Variants in ZNF597 observed in about 807,000 individuals in gnomAD.
ZNF597 encodes zinc finger protein 597.
Under a neutral mutation model 7.3 loss-of-function variants are expected in ZNF597, and 5 were observed. The ratio of observed to expected loss-of-function variants is 0.68; its 90% CI spans 0.36 to 1.44. The LOEUF is 1.44. Among genes scored for constraint, ZNF597 ranks in the 40% most tolerant of loss-of-function variants. The probability of loss-of-function intolerance (pLI) is 0.04; values close to 1 mark genes in which losing one functional copy is unlikely to be tolerated. For missense variants in ZNF597, 585 were observed against 517.9 expected, an observed-to-expected ratio of 1.13 and a Z score of -1.26; for synonymous variants, 209 against 185.4, an observed-to-expected ratio of 1.13 and a Z score of -1.04.
At position 3,437,513 on chromosome 16, in the gene ZNF597, A is replaced by G. The variant is rs2034317798; in HGVS notation, c.186T>C (p.Asn62=). 2.5e-6 allele frequency: 4 copies of G among 1,602,480 alleles called. No individual in the cohort carries two copies. Among genetic ancestry groups the G allele is most frequent in the Non-Finnish European group, 3.4e-6 (4 of 1,175,838 alleles). Residue 62 remains asparagine, a synonymous_variant, in exon 4 of 4, where the codon AAT becomes AAC. Transcript: ENST00000301744. ...CCATAGACTCTAGGCTTAACTGCTG[A>G]TTAATCTCAGGCTTGCCTTCCTCTC... ...LMGEEGKPEI[N]QQLSLESMEL...
Position 3,443,119 on chromosome 16 carries a change from A to C in ZNF597, c.33+2T>G, listed in dbSNP as rs1397645283. 1 of 1,614,108 alleles carries C rather than the reference A, an allele frequency of 6.2e-7. No individual in the cohort carries two copies. On this transcript the variant is annotated splice_donor_variant, in intron 2 of 3. Coordinates refer to ENST00000301744, the MANE Select transcript of ZNF597 (RefSeq NM_152457.3). LOFTEE classifies it high-confidence loss of function. ...TTGGACGAAAAAGGTACCTCGACTC[A>C]CCTGGGCCTCGGGCGTCGGGGGCAT...
chr16:3,437,690 G>A, intron 3 of ZNF597, 152 bp from the exon 4 acceptor site: 1 of 1,309,596 alleles, frequency 7.6e-7, no homozygotes, highest in Non-Finnish European at 1.0e-6. Context: ...TCAGGACCAA[G>A]CAGACTCTCC....
rs184723295 is a variant in ZNF597, at chr16:3,434,064, C to A, written c.*2360G>T. Reference sequence around the variant, plus strand: ...TTAAGGTGCAGAACAGGATGTATGGCACAAATTCTCACTTTCTGCTATATT... The same window carrying A: ...TTAAGGTGCAGAACAGGATGTATGGAACAAATTCTCACTTTCTGCTATATT... On this transcript the variant is annotated 3_prime_UTR_variant, in exon 4 of 4. Transcript: ENST00000301744. 1 of 152,220 alleles carries A rather than the reference C, an allele frequency of 6.6e-6. No individual in the cohort carries two copies. The highest frequency in any genetic ancestry group is 2.4e-5 in the African/African-American group (1 of 41,544). The allele number at this position is 152,220 out of a possible 1,614,324, so 9.4% of individuals were successfully genotyped here. A position where few individuals can be genotyped will look rare whatever the true frequency, so the allele number is the denominator to read the frequency against.
intron 2 of ZNF597, among the ~76,000 whole-genome samples, chr16:3,442,471 T>A (rs915355118): frequency 2.6e-5 from 4 of 152,000 alleles, no homozygotes; most frequent in Non-Finnish European, 5.9e-5. Flanking sequence ...GTCAGGAGAT[T>A]GAGACCATCC....
At chr16:3,439,021 G>A (rs2034335488) in intron 3 of ZNF597, among the ~76,000 whole-genome samples, 1 of 152,134 alleles carries the variant, frequency 6.6e-6, no homozygotes, top group African/African-American at 2.4e-5. Flanking sequence ...GAATTTGAAA[G>A]CAAAACAGCA....
intron 2 of ZNF597, 61 bp downstream of exon 2, chr16:3,443,060 G>C (rs2034415442): frequency 1.2e-6 from 2 of 1,604,714 alleles, no homozygotes; most frequent in Non-Finnish European, 1.7e-6. Context: ...CTCCAAAGGA[G>C]GGGGTCAGGC....
At position 3,441,033 on chromosome 16, in the gene ZNF597, A is replaced by C. The variant is rs531863578; in HGVS notation, c.34-100T>G. 2.0e-6 allele frequency: 3 copies of C among 1,503,246 alleles called. No homozygotes were observed. In the Admixed American group the frequency reaches 6.6e-5, roughly 33 times the overall value. The allele number at this position is 1,503,246 out of a possible 1,614,324, so 93.1% of individuals were successfully genotyped here. On this transcript the variant is annotated intron_variant, in intron 2 of 3. Transcript: ENST00000301744. ...GAGCTAGAAACATCAGATGCACGGG[A>C]TAAAAGGCTCGGTGTAAAAGGTTCT...
intron 3 of ZNF597, among the ~76,000 whole-genome samples, chr16:3,440,500 G>A (rs1489145080): frequency 6.6e-6 from 1 of 152,140 alleles, no homozygotes; most frequent in Non-Finnish European, 1.5e-5. Context: ...TGGGCATGGT[G>A]GCAGGCGGCT....
In ZNF597 at chr16:3,440,878, G is replaced by A; in HGVS notation, c.89C>T (p.Thr30Ile). Residue 30 changes from threonine (T) to isoleucine (I), a missense_variant, in exon 3 of 4, where the codon ACT becomes ATT. Thr to Ile is a moderately conservative substitution (Grantham distance 89). Transcript: ENST00000301744. ...GAGGGACCTCTGGGCAGGGTGCAGA[G>A]TCACGCACTCCTCTTGAGAAAAATA... The part of the protein sequence containing the change: ...AVYFSQEECV[T>I]LHPAQRSLSK... 6.2e-7 allele frequency: 1 copy of A among 1,614,034 alleles called. No homozygotes were observed. Among genetic ancestry groups the A allele is most frequent in the Non-Finnish European group, 8.5e-7 (1 of 1,179,958 alleles).
Position 3,436,083 on chromosome 16 carries a change from T to C in ZNF597, c.*341A>G. 2 of 225,388 alleles carry C rather than the reference T, an allele frequency of 8.9e-6. No individual in the cohort carries two copies. Among genetic ancestry groups the C allele is most frequent in the Non-Finnish European group, 8.7e-6 (1 of 115,310 alleles). The allele number at this position is 225,388 out of a possible 1,614,324, so 14.0% of individuals were successfully genotyped here. A position where few individuals can be genotyped will look rare whatever the true frequency, so the allele number is the denominator to read the frequency against. ...AAATAAATTCTCCTCCTTCTAAAAG[T>C]CAGAAACTACGTAAACAAAATTAAA... On this transcript the variant is annotated 3_prime_UTR_variant, in exon 4 of 4. Transcript: ENST00000301744.
At chr16:3,439,111 G>A (rs116369169) in intron 3 of ZNF597, among the ~76,000 whole-genome samples, 3,685 of 152,166 alleles carry the variant, frequency 0.024, 147 homozygotes, top group African/African-American at 0.08. Flanking sequence ...AGGTACAGTG[G>A]CTCAAACCTG....
In ZNF597 at chr16:3,436,889, A is replaced by T; in HGVS notation, c.810T>A (p.Ser270=). ...CATTAAAATGTTTATCACAGTTAGT[A>T]GATTCGTAGGTGTTTTCAGCACTGT... ...KSHSAENTYE[S]TNCDKHFNEK... Residue 270 remains serine, a synonymous_variant, in exon 4 of 4, where the codon TCT becomes TCA. Coordinates refer to ENST00000301744, the MANE Select transcript of ZNF597 (RefSeq NM_152457.3). 6.2e-7 allele frequency: 1 copy of T among 1,614,200 alleles called. No individual in the cohort carries two copies.
rs909842631 is a variant in ZNF597, at chr16:3,433,640, G to A, written c.*2784C>T. 2 of 152,202 alleles carry A rather than the reference G, an allele frequency of 1.3e-5. No individual in the cohort carries two copies. The highest frequency in any genetic ancestry group is 4.8e-5 in the African/African-American group (2 of 41,448). The allele number at this position is 152,202 out of a possible 1,614,324, so 9.4% of individuals were successfully genotyped here. On this transcript the variant is annotated 3_prime_UTR_variant, in exon 4 of 4. Coordinates refer to ENST00000301744, the MANE Select transcript of ZNF597 (RefSeq NM_152457.3). Reference sequence around the variant, plus strand: ...GAATTTATCTCCATCAGTTGACACTGTAAACAGAAGGGTGAAATGCCATCA... The same window carrying A: ...GAATTTATCTCCATCAGTTGACACTATAAACAGAAGGGTGAAATGCCATCA...
chr16:3,440,507 G>A (rs1264548569), intron 3 of ZNF597, among the ~76,000 whole-genome samples: 1 of 152,070 alleles, frequency 6.6e-6, no homozygotes, highest in Non-Finnish European at 1.5e-5. Context: ...GGTGGCAGGC[G>A]GCTGTAGTCC....
intron 3 of ZNF597, among the ~76,000 whole-genome samples, 173 bp from the exon 4 acceptor site, chr16:3,437,711 G>C (rs1303627012): frequency 1.3e-5 from 2 of 149,556 alleles, no homozygotes; most frequent in African/African-American, 2.5e-5. Context: ...TGGCCTCCCA[G>C]AAGATCCAGT....
chr16:3,440,970 G>C, intron 2 of ZNF597, 37 bp from the exon 3 acceptor site: 5 of 1,603,708 alleles, frequency 3.1e-6, no homozygotes, highest in Non-Finnish European at 4.3e-6. Context: ...CAAGAGGGTG[G>C]AGGGTCAGCC....
chr16:3,438,070 T>C (rs548605589), intron 3 of ZNF597, among the ~76,000 whole-genome samples: 1 of 152,028 alleles, frequency 6.6e-6, no homozygotes, highest in African/African-American at 2.4e-5. Context: ...GTACAAAAAA[T>C]AATTTTTAAA....
chr16:3,443,436 A>G lies in ZNF597; in HGVS notation c.-130T>C, dbSNP rs2034426727. ...GCGACGCCCGACCGAGACGCGACGA[A>G]GAACGCCACGGCCACTGCAAAACTC... On this transcript the variant is annotated 5_prime_UTR_variant, in exon 1 of 4. Coordinates refer to ENST00000301744, the MANE Select transcript of ZNF597 (RefSeq NM_152457.3). The G allele has an allele frequency of 3.8e-6, 2 of 520,494 alleles. No individual in the cohort carries two copies. The highest frequency in any genetic ancestry group is 4.0e-5 in the African/African-American group (2 of 50,550). The allele number at this position is 520,494 out of a possible 1,614,324, so 32.2% of individuals were successfully genotyped here. A position where few individuals can be genotyped will look rare whatever the true frequency, so the allele number is the denominator to read the frequency against.
At position 3,434,280 on chromosome 16, in the gene ZNF597, C is replaced by G. The variant is rs2034279845; in HGVS notation, c.*2144G>C. On this transcript the variant is annotated 3_prime_UTR_variant, in exon 4 of 4. Coordinates refer to ENST00000301744, the MANE Select transcript of ZNF597 (RefSeq NM_152457.3). ...GAACTCTTAGGGCCCCTGATATGTG[C>G]TGATGAGGCTCCTGCCAGTTTCTCC... 6.6e-6 allele frequency: 1 copy of G among 152,220 alleles called. No homozygotes were observed. The highest frequency in any genetic ancestry group is 2.4e-5 in the African/African-American group (1 of 41,448). 9.4% of individuals were successfully genotyped at this position (152,220 alleles called of 1,614,324 possible).
Sources: allele counts gnomAD v4.1 joint callset (sites outside exome capture counted in the v4.1 genomes callset), GRCh38; gene constraint gnomAD v4.1.1; transcripts MANE v1.5; gene names NCBI Gene and HGNC (gene_info 2026-07-23, HGNC 2026-07-21).